The following TMEM161B variants were observed in gnomAD, a reference collection of about 807,000 sequenced individuals.
TMEM161B encodes transmembrane protein 161B.
In TMEM161B, 34 loss-of-function variants were observed where a neutral mutation model predicts 61.8. The observed-to-expected ratio is 0.55, with a 90% CI of 0.42 to 0.73. The LOEUF (loss-of-function observed/expected upper bound fraction) is 0.73, where lower values mean the gene tolerates loss of function less well. Ranked by LOEUF, TMEM161B falls within the 30% of genes least tolerant of loss-of-function variation. The pLI is 0.00. For synonymous variants in TMEM161B, 167 were observed against 192.8 expected (o/e 0.87, Z 1.11); for missense variants, 456 against 558.5 (o/e 0.82, Z 1.85).
intron 1 of TMEM161B, among the ~76,000 whole-genome samples, chr5:88,247,402 A>C (rs773697936): frequency 5.9e-4 from 89 of 152,088 alleles, no homozygotes; most frequent in Non-Finnish European, 8.1e-4. Context: ...GATCAAAACA[A>C]AGCATACATT....
At chr5:88,212,665 C>T (rs983089356) in intron 5 of TMEM161B, among the ~76,000 whole-genome samples, 10 of 151,980 alleles carry the variant, frequency 6.6e-5, no homozygotes, top group African/African-American at 2.4e-4. Context: ...CCATCTCTAC[C>T]AAAAATACAA....
chr5:88,240,888 G>GT lies in TMEM161B; in HGVS notation c.31dup (p.Thr11AsnfsTer24). 6.2e-7 allele frequency: 1 copy of GT among 1,609,898 alleles called. No individual in the cohort carries two copies. Among genetic ancestry groups the GT allele is most frequent in the Non-Finnish European group, 8.5e-7 (1 of 1,177,688 alleles). On this transcript the variant is annotated frameshift_variant, in exon 2 of 12. Transcript: ENST00000296595. LOFTEE classifies it high-confidence loss of function. The stretch of plus-strand genomic sequence containing the variant: ...CTGCATGACACTGGCCATCACCATG[G>GT]TAACAACCAGCTGTATACCTATCAC...
At chr5:88,203,097 A>C (rs1438920233) in intron 8 of TMEM161B, 22 bp from the exon 9 acceptor site, 1 of 1,454,934 alleles carries the variant, frequency 6.9e-7, no homozygotes, top group Admixed American at 1.8e-5. Flanking sequence ...TAAGAAATAA[A>C]TATAAAAATT....
In TMEM161B at chr5:88,268,787, C is replaced by T. The variant is rs1288755278; in HGVS notation, c.-64G>A. Reference sequence around the variant, plus strand: ...TGCCGGGGCAGTCCCAAACCTCTTACCTCCCGGTCCTTGAGCCGAGAGACT... The same window carrying T: ...TGCCGGGGCAGTCCCAAACCTCTTATCTCCCGGTCCTTGAGCCGAGAGACT... On this transcript the variant is annotated 5_prime_UTR_variant, in exon 1 of 12. Coordinates refer to ENST00000296595, the MANE Select transcript of TMEM161B (RefSeq NM_153354.5). 2 of 1,612,820 alleles carry T rather than the reference C, an allele frequency of 1.2e-6. No individual in the cohort carries two copies. The highest frequency in any genetic ancestry group is 2.7e-5 in the African/African-American group (2 of 74,892).
chr5:88,249,642 T>A (rs1211056368), intron 1 of TMEM161B, among the ~76,000 whole-genome samples: 1 of 151,970 alleles, frequency 6.6e-6, no homozygotes, highest in Admixed American at 6.6e-5. Flanking sequence ...AGAATTATTA[T>A]CCCCAATAAT....
intron 1 of TMEM161B, chr5:88,250,658 G>C (rs1754218712): frequency 6.6e-6 from 1 of 152,194 alleles, no homozygotes; most frequent in Non-Finnish European, 1.5e-5. Context: ...CACCAGCCTA[G>C]TTTAAAGACA....
At position 88,197,222 on chromosome 5, in the gene TMEM161B, G is replaced by A. The variant is rs185999675; in HGVS notation, c.1186+447C>T. On this transcript the variant is annotated intron_variant, in intron 11 of 11. Coordinates refer to ENST00000296595, the MANE Select transcript of TMEM161B (RefSeq NM_153354.5). ...ACTTGATAGCTTAGTGAAGAGACTT[G>A]TAGAATTTTGTACTGAGAAATCTTC... 2.6e-5 allele frequency among the ~76,000 whole-genome samples: 4 copies of A among 152,274 alleles called. No homozygotes were observed. The East Asian group carries it at 5.8e-4, about 22-fold the overall frequency.
At position 88,205,720 on chromosome 5, in the gene TMEM161B, T is replaced by A. The variant is rs549459474; in HGVS notation, c.800+94A>T. On this transcript the variant is annotated intron_variant, in intron 8 of 11. Coordinates refer to ENST00000296595, the MANE Select transcript of TMEM161B (RefSeq NM_153354.5). ...ACATCAAATGGTTATTAATTTTCAA[T>A]ACAATAATTTATGATTACATTACAA... The A allele has an allele frequency of 5.7e-6, 8 of 1,400,808 alleles. No homozygotes were observed. The Admixed American group carries it at 1.6e-4, about 29-fold the overall frequency. 86.8% of individuals were successfully genotyped at this position (1,400,808 alleles called of 1,614,324 possible).
At chr5:88,200,670 T>C (rs192016779) in intron 9 of TMEM161B, 1 of 152,230 alleles carries the variant, frequency 6.6e-6, no homozygotes, top group African/African-American at 2.4e-5. Context: ...GTTGATCTGA[T>C]AGAGTATCTC....
chr5:88,268,561 G>A (rs1756733427), intron 1 of TMEM161B, among the ~76,000 whole-genome samples, 160 bp downstream of exon 1: 1 of 152,158 alleles, frequency 6.6e-6, no homozygotes, highest in Non-Finnish European at 1.5e-5. Context: ...TTCCTCAGGG[G>A]CTCAGACACC....
rs1580380435 is a variant in TMEM161B at position 88,206,518 on chromosome 5, A to C, written c.599-19T>G. On this transcript the variant is annotated intron_variant, in intron 6 of 11. Transcript: ENST00000296595. ...GTAAACCCTGTGGGGGAAAAAAAAAAAAACAACAGATTACTCTTATCACAA... is the reference window on the plus strand; with the variant it reads ...GTAAACCCTGTGGGGGAAAAAAAAACAAACAACAGATTACTCTTATCACAA... The C allele has an allele frequency of 8.4e-6, 13 of 1,554,086 alleles. No individual in the cohort carries two copies. Among genetic ancestry groups the C allele is most frequent in the African/African-American group, 1.4e-5 (1 of 72,068 alleles).
intron 5 of TMEM161B, among the ~76,000 whole-genome samples, chr5:88,209,412 G>C (rs33707): frequency 0.29 from 43,975 of 151,840 alleles, 7,433 homozygotes; most frequent in African/African-American, 0.44. Flanking sequence ...TAGTATCTTT[G>C]GCCAAAAGTG....
At chr5:88,268,435 C>T (rs1009509137) in intron 1 of TMEM161B, among the ~76,000 whole-genome samples, 4 of 152,152 alleles carry the variant, frequency 2.6e-5, no homozygotes, top group Admixed American at 6.5e-5. Context: ...CCTGGCGCCA[C>T]AGGCCATACA....
intron 2 of TMEM161B, among the ~76,000 whole-genome samples, chr5:88,240,194 A>G (rs1370627840): frequency 6.6e-6 from 1 of 151,852 alleles, no homozygotes; most frequent in African/African-American, 2.4e-5. Flanking sequence ...ATCCCACAAC[A>G]TAACTTTATC....
In TMEM161B at chr5:88,204,105, C is replaced by T. The variant is rs187302805; in HGVS notation, c.801-1030G>A. Among the ~76,000 whole-genome samples the T allele has an allele frequency of 1.7e-3, 262 of 152,080 alleles. 2 individuals carry two copies. Among genetic ancestry groups the T allele is most frequent in the African/African-American group, 6.1e-3 (251 of 41,440 alleles). ...CAGTGATCTGTGTGAGTGAACAGGG[C>T]TGGGTCAGGAAGCCACAAACACCTA... On this transcript the variant is annotated intron_variant, in intron 8 of 11. Coordinates refer to ENST00000296595, the MANE Select transcript of TMEM161B (RefSeq NM_153354.5).
At chr5:88,267,836 A>G (rs1318082600) in intron 1 of TMEM161B, among the ~76,000 whole-genome samples, 1 of 151,852 alleles carries the variant, frequency 6.6e-6, no homozygotes, top group Non-Finnish European at 1.5e-5. Context: ...TACCTGTCCC[A>G]CAGATCAATC....
At chr5:88,199,212 T>C in intron 9 of TMEM161B, 62 bp from the exon 10 acceptor site, 1 of 1,484,808 alleles carries the variant, frequency 6.7e-7, no homozygotes, top group South Asian at 1.3e-5. Context: ...ATGCTCGTTA[T>C]ATGTTAATGG....
At position 88,195,763 on chromosome 5, in the gene TMEM161B, G is replaced by C. The variant is rs551494426; in HGVS notation, c.*448C>G. 12 of 987,754 alleles carry C rather than the reference G, an allele frequency of 1.2e-5. No individual in the cohort carries two copies. Among genetic ancestry groups the C allele is most frequent in the Middle Eastern group, 5.2e-4 (1 of 1,920 alleles). 61.2% of individuals were successfully genotyped at this position (987,754 alleles called of 1,614,324 possible). A position where few individuals can be genotyped will look rare whatever the true frequency, so the allele number is the denominator to read the frequency against. On this transcript the variant is annotated 3_prime_UTR_variant, in exon 12 of 12. Coordinates refer to ENST00000296595, the MANE Select transcript of TMEM161B (RefSeq NM_153354.5). ...AGTAACTAATAAATTACCAACAGAAGAGACTTTAGCCCCTTTCCCTCCCCT... is the reference window on the plus strand; with the variant it reads ...AGTAACTAATAAATTACCAACAGAACAGACTTTAGCCCCTTTCCCTCCCCT...
chr5:88,236,350 G>C (rs1398545137), intron 2 of TMEM161B, among the ~76,000 whole-genome samples: 1 of 152,108 alleles, frequency 6.6e-6, no homozygotes, highest in Non-Finnish European at 1.5e-5. Flanking sequence ...AGCTATCACA[G>C]AGAAAAAGCA....
Sources: allele counts gnomAD v4.1 joint callset (sites outside exome capture counted in the v4.1 genomes callset), GRCh38; gene constraint gnomAD v4.1.1; transcripts MANE v1.5; gene names NCBI Gene and HGNC (gene_info 2026-07-23, HGNC 2026-07-21).